The following TXNDC12 variants were observed in gnomAD, a reference collection of about 807,000 sequenced individuals.
The protein encoded by TXNDC12 is thioredoxin domain containing 12.
TXNDC12 carries 22 observed loss-of-function variants against 24.2 expected under a neutral mutation model. The ratio of observed to expected loss-of-function variants is 0.91; its 90% CI spans 0.65 to 1.30. The LOEUF is 1.30. Among genes scored for constraint, TXNDC12 ranks in the 50% most tolerant of loss-of-function variants. The pLI, the probability that TXNDC12 is intolerant of heterozygous loss-of-function variation, is 0.00. For missense variants in TXNDC12, 184 were observed against 205.8 expected (o/e 0.89, Z 0.65); for synonymous variants, 58 against 73.4 (o/e 0.79, Z 1.07).
rs182974746 is a variant in TXNDC12, at chr1:52,055,117, A to C, written c.-21T>G. 1.5e-4 allele frequency: 233 copies of C among 1,595,996 alleles called. No individual in the cohort carries two copies. The highest frequency in any genetic ancestry group is 1.9e-4 in the Non-Finnish European group (220 of 1,163,886). On this transcript the variant is annotated 5_prime_UTR_variant, in exon 1 of 7. Coordinates refer to ENST00000371626, the MANE Select transcript of TXNDC12 (RefSeq NM_015913.4). ...TCCATGGCAGTAGGTGCGCGGGGCCACGGGGCTGAGCGGACGCAGGGCCGG... is the reference window on the plus strand; with the variant it reads ...TCCATGGCAGTAGGTGCGCGGGGCCCCGGGGCTGAGCGGACGCAGGGCCGG...
At chr1:52,038,647 A>G (rs1206530187) in intron 2 of TXNDC12, among the ~76,000 whole-genome samples, 3 of 152,184 alleles carry the variant, frequency 2.0e-5, no homozygotes, top group Non-Finnish European at 4.4e-5. Context: ...TTCTAAAATC[A>G]GCAAACCATC....
intron 2 of TXNDC12, among the ~76,000 whole-genome samples, chr1:52,040,550 A>G (rs186178442): frequency 6.6e-6 from 1 of 152,352 alleles, no homozygotes; most frequent in South Asian, 2.1e-4. Flanking sequence ...GTAGTAAATG[A>G]TAATATAGAC....
chr1:52,022,907 G>C (rs1458201517), intron 6 of TXNDC12, among the ~76,000 whole-genome samples: 3 of 152,082 alleles, frequency 2.0e-5, no homozygotes, highest in African/African-American at 7.2e-5. Context: ...CCAAAGTGCT[G>C]GGATTACAGG....
At chr1:52,037,790 C>T (rs575932714) in intron 2 of TXNDC12, among the ~76,000 whole-genome samples, 57 of 152,282 alleles carry the variant, frequency 3.7e-4, no homozygotes, top group African/African-American at 1.3e-3. Flanking sequence ...TGATGACAAA[C>T]TTGACTCAAA....
chr1:52,032,982 C>T (rs375793609), intron 2 of TXNDC12: 220 of 1,571,346 alleles, frequency 1.4e-4, no homozygotes, highest in Non-Finnish European at 1.8e-4. Context: ...GCTGGGACTG[C>T]GTAGACTGAT....
At chr1:52,026,409 A>G (rs777135728) in intron 4 of TXNDC12, among the ~76,000 whole-genome samples, 1 of 152,196 alleles carries the variant, frequency 6.6e-6, no homozygotes, top group Admixed American at 6.5e-5. Context: ...CCTGCAGCCT[A>G]TATGAGGTAT....
At chr1:52,027,239 A>C (rs752827973) in intron 4 of TXNDC12, 36 bp downstream of exon 4, 6 of 1,509,884 alleles carry the variant, frequency 4.0e-6, no homozygotes, top group Non-Finnish European at 9.2e-7. Flanking sequence ...AAAGTCTTAA[A>C]ATCATAGCAG....
chr1:52,052,409 T>A (rs1686230162), intron 1 of TXNDC12: 1 of 169,022 alleles, frequency 5.9e-6, no homozygotes, highest in Non-Finnish European at 1.5e-5. Context: ...CCCTACAGGG[T>A]ACTGTGGAAG....
chr1:52,027,403 C>A lies in TXNDC12; in HGVS notation c.212-55G>T. The stretch of plus-strand genomic sequence containing the variant: ...AAAAAACATCATTGTCACAACTAAA[C>A]CTTAACGAACATAAGCATCACTATT... On this transcript the variant is annotated intron_variant, in intron 3 of 6. Transcript: ENST00000371626. 3.2e-6 allele frequency: 4 copies of A among 1,267,298 alleles called. 1 individual carries two copies. The highest frequency in any genetic ancestry group is 1.8e-5 in the Admixed American group (1 of 57,008). The allele number at this position is 1,267,298 out of a possible 1,614,324, so 78.5% of individuals were successfully genotyped here.
intron 1 of TXNDC12, among the ~76,000 whole-genome samples, chr1:52,049,704 A>ATT (rs34937659): frequency 1.2e-4 from 17 of 143,724 alleles, no homozygotes; most frequent in African/African-American, 2.8e-4. Context: ...AAGCAATTGC[A>ATT]TTTTTTTTTT....
At chr1:52,033,767 C>T in intron 2 of TXNDC12, 1 of 1,573,632 alleles carries the variant, frequency 6.4e-7, no homozygotes, top group Non-Finnish European at 8.6e-7. Context: ...GGCATCCTCT[C>T]AGGGAGCGAC....
intron 2 of TXNDC12, among the ~76,000 whole-genome samples, chr1:52,038,664 T>C (rs1353968215): frequency 6.6e-6 from 1 of 152,196 alleles, no homozygotes; most frequent in Non-Finnish European, 1.5e-5. Context: ...CATCATTTGT[T>C]GTCATTAAAT....
intron 1 of TXNDC12, among the ~76,000 whole-genome samples, chr1:52,051,532 C>A (rs761932270): frequency 6.6e-6 from 1 of 151,850 alleles, no homozygotes; most frequent in Non-Finnish European, 1.5e-5. Context: ...TGTGCCACCA[C>A]GCCTGGCTAA....
At chr1:52,036,793 A>G (rs928423882) in intron 2 of TXNDC12, among the ~76,000 whole-genome samples, 4 of 152,156 alleles carry the variant, frequency 2.6e-5, no homozygotes, top group Non-Finnish European at 4.4e-5. Context: ...CCATCAAGTT[A>G]TCTTCTGTTC....
At chr1:52,037,069 C>G (rs1006799574) in intron 2 of TXNDC12, among the ~76,000 whole-genome samples, 11 of 152,138 alleles carry the variant, frequency 7.2e-5, no homozygotes, top group Non-Finnish European at 1.3e-4. Flanking sequence ...TCATGATGTT[C>G]TCTTTATTGC....
At chr1:52,049,951 T>C (rs920867868) in intron 1 of TXNDC12, among the ~76,000 whole-genome samples, 9 of 152,224 alleles carry the variant, frequency 5.9e-5, no homozygotes, top group African/African-American at 2.2e-4. Context: ...ACTTATTTAA[T>C]CTTCACAACA....
At chr1:52,055,517 T>G (rs1686325773), upstream of TXNDC12, 1 of 202,812 alleles carries the variant, frequency 4.9e-6, no homozygotes, top group Non-Finnish European at 1.0e-5. Context: ...AATTATTGAT[T>G]CGTGAGGTCA....
intron 2 of TXNDC12, among the ~76,000 whole-genome samples, chr1:52,040,799 G>A (rs571789653): frequency 1.6e-3 from 241 of 152,150 alleles, no homozygotes; most frequent in Non-Finnish European, 2.6e-3. Context: ...GGGAGGCCGA[G>A]GCAGGTGGAT....
chr1:52,032,446 C>A lies in TXNDC12; in HGVS notation c.159-3816G>T, dbSNP rs957551797. ...AGGATCCAATCTAGGTAATCCCTGT[C>A]CACCTTAGCTCTGTCCTCTGAGGGA... On this transcript the variant is annotated intron_variant, in intron 2 of 6. Coordinates refer to ENST00000371626, the MANE Select transcript of TXNDC12 (RefSeq NM_015913.4). The A allele has an allele frequency of 1.8e-5, 22 of 1,249,698 alleles. No individual in the cohort carries two copies. In the African/African-American group the frequency reaches 2.9e-4, roughly 16 times the overall value. 77.4% of individuals were successfully genotyped at this position (1,249,698 alleles called of 1,614,324 possible).
Sources: allele counts gnomAD v4.1 joint callset (sites outside exome capture counted in the v4.1 genomes callset), GRCh38; gene constraint gnomAD v4.1.1; transcripts MANE v1.5; gene names NCBI Gene and HGNC (gene_info 2026-07-23, HGNC 2026-07-21).